Variants in UNC13B observed in about 807,000 individuals in gnomAD.
UNC13B encodes the protein protein unc-13 homolog B.
In UNC13B, 144 loss-of-function variants were observed where a neutral mutation model predicts 211.0. That is an observed-to-expected ratio of 0.68 (90% CI 0.60 to 0.78). The LOEUF is 0.78. Among genes scored for constraint, UNC13B ranks in the 30% least tolerant of loss-of-function variants. UNC13B has a pLI of 0.00. For missense variants in UNC13B, 1,777 were observed against 2,002.0 expected (o/e 0.89, Z 2.14); for synonymous variants, 709 against 725.8 (o/e 0.98, Z 0.37).
chr9:35,167,009 C>G (rs1016993218), intron 1 of UNC13B, among the ~76,000 whole-genome samples: 1 of 152,178 alleles, frequency 6.6e-6, no homozygotes, highest in Non-Finnish European at 1.5e-5. Context: ...TGGCCCAACA[C>G]AAATTTGTAA....
chr9:35,201,846 T>C (rs1823318356), intron 1 of UNC13B, among the ~76,000 whole-genome samples: 1 of 152,190 alleles, frequency 6.6e-6, no homozygotes, highest in Non-Finnish European at 1.5e-5. Flanking sequence ...CCTTCAGTTC[T>C]GCTCTGATCT....
intron 37 of UNC13B, among the ~76,000 whole-genome samples, chr9:35,402,475 G>T (rs1406636229): frequency 6.6e-6 from 1 of 151,650 alleles, no homozygotes; most frequent in African/African-American, 2.4e-5. Flanking sequence ...GTAGAGACGG[G>T]GTTTCACCAT....
chr9:35,171,514 G>A (rs566675231), intron 1 of UNC13B, among the ~76,000 whole-genome samples: 5 of 152,286 alleles, frequency 3.3e-5, no homozygotes, highest in African/African-American at 9.6e-5. Context: ...AGATCCTCCC[G>A]TCTCCGTCTC....
chr9:35,353,277 T>G, intron 11 of UNC13B: 1 of 1,232,280 alleles, frequency 8.1e-7, no homozygotes, highest in Non-Finnish European at 1.0e-6. Flanking sequence ...ACAAGTAAAC[T>G]GGGCCGAGCA....
chr9:35,399,506 G>A, intron 35 of UNC13B, 58 bp downstream of exon 35: 3 of 1,611,472 alleles, frequency 1.9e-6, no homozygotes, highest in Non-Finnish European at 1.7e-6. Flanking sequence ...CATGGAGAGA[G>A]GGTGGCTGCG....
chr9:35,199,359 G>A (rs573356261), intron 1 of UNC13B, among the ~76,000 whole-genome samples: 1 of 152,298 alleles, frequency 6.6e-6, no homozygotes, highest in South Asian at 2.1e-4. Flanking sequence ...TATATGCCGA[G>A]TAATGGGATG....
intron 1 of UNC13B, among the ~76,000 whole-genome samples, chr9:35,206,246 A>T (rs1288974639): frequency 6.6e-6 from 1 of 152,232 alleles, no homozygotes; most frequent in Non-Finnish European, 1.5e-5. Flanking sequence ...CACATAACAT[A>T]CAATTAACTA....
At chr9:35,370,139 C>T (rs1337936540) in intron 12 of UNC13B, among the ~76,000 whole-genome samples, 179 bp from the exon 13 acceptor site, 2 of 152,238 alleles carry the variant, frequency 1.3e-5, no homozygotes, top group Non-Finnish European at 1.5e-5. Context: ...TTCTATTGCT[C>T]ACTCTTCCAT....
chr9:35,209,032 C>T (rs1587377801), intron 1 of UNC13B, among the ~76,000 whole-genome samples: 1 of 152,092 alleles, frequency 6.6e-6, no homozygotes, highest in Admixed American at 6.6e-5. Context: ...ATATGTCTCC[C>T]TCACATTATG....
rs376795720 is a variant in UNC13B at position 35,281,914 on chromosome 9, G to A, written c.527-13782G>A. ...TACTGCAAGTTGAAAATTCTTGATG[G>A]CTTCGGTGGAGGGAATAAGAAGAGT... On this transcript the variant is annotated intron_variant, in intron 7 of 39. Transcript: ENST00000635942. Among the ~76,000 whole-genome samples, 115 of 152,298 alleles carry A rather than the reference G, an allele frequency of 7.6e-4. 1 individual carries two copies. The South Asian group carries it at 0.019, about 25-fold the overall frequency.
At chr9:35,245,159 A>G (rs1176231802) in intron 6 of UNC13B, among the ~76,000 whole-genome samples, 2 of 151,970 alleles carry the variant, frequency 1.3e-5, no homozygotes, top group Non-Finnish European at 2.9e-5. Flanking sequence ...GTAAAGAAGC[A>G]TGTTGTACTT....
chr9:35,319,235 C>A (rs1293223527), intron 11 of UNC13B, among the ~76,000 whole-genome samples: 1 of 151,402 alleles, frequency 6.6e-6, no homozygotes, highest in Non-Finnish European at 1.5e-5. Context: ...AACCCTCATC[C>A]TTACCAAAAA....
chr9:35,202,749 C>G (rs182874227), intron 1 of UNC13B, among the ~76,000 whole-genome samples: 119 of 149,988 alleles, frequency 7.9e-4, no homozygotes, highest in Non-Finnish European at 1.4e-3. Flanking sequence ...GTGTCTCTGC[C>G]TGTCAGATGG....
At chr9:35,295,673 G>T in intron 7 of UNC13B, 23 bp from the exon 8 acceptor site, 2 of 1,606,362 alleles carry the variant, frequency 1.2e-6, no homozygotes, top group South Asian at 2.2e-5. Flanking sequence ...GGGGTGCTTT[G>T]ATTGAATGTG....
intron 11 of UNC13B, among the ~76,000 whole-genome samples, chr9:35,317,895 T>G (rs1485942020): frequency 6.6e-6 from 1 of 152,110 alleles, no homozygotes; most frequent in Admixed American, 6.6e-5. Context: ...TACTGATTTT[T>G]TATTTCTAAG....
At chr9:35,213,948 G>A (rs753939093) in intron 1 of UNC13B, among the ~76,000 whole-genome samples, 1 of 152,052 alleles carries the variant, frequency 6.6e-6, no homozygotes, top group African/African-American at 2.4e-5. Flanking sequence ...CACTTTACAT[G>A]AGTTCATAAT....
chr9:35,351,412 G>C, intron 11 of UNC13B: 1 of 1,230,304 alleles, frequency 8.1e-7, no homozygotes, highest in South Asian at 4.3e-5. Flanking sequence ...ATAATTGCTA[G>C]AAACAAACTG....
chr9:35,391,831 A>G (rs1297498674), intron 26 of UNC13B, among the ~76,000 whole-genome samples: 1 of 152,196 alleles, frequency 6.6e-6, no homozygotes, highest in Non-Finnish European at 1.5e-5. Context: ...TTAGGAGCTA[A>G]GTTGAAGGGG....
At chr9:35,299,677 T>C (rs1829576783) in intron 8 of UNC13B, among the ~76,000 whole-genome samples, 1 of 152,268 alleles carries the variant, frequency 6.6e-6, no homozygotes, top group Non-Finnish European at 1.5e-5. Context: ...TGATATAATA[T>C]TTAAGAACAT....
Sources: allele counts gnomAD v4.1 joint callset (sites outside exome capture counted in the v4.1 genomes callset), GRCh38; gene constraint gnomAD v4.1.1; transcripts MANE v1.5; gene names NCBI Gene and HGNC (gene_info 2026-07-23, HGNC 2026-07-21).